Variants in ABTB3 observed in about 807,000 individuals in gnomAD.
ABTB3 encodes ankyrin repeat and BTB domain containing 3, also known as ankyrin repeat- and BTB/POZ domain-containing protein 3.
chr12:107,639,840 T>C, the ABTB3 span, among the ~76,000 whole-genome samples: 5 of 152,252 alleles, frequency 3.3e-5, no homozygotes, highest in Non-Finnish European at 4.4e-5. Flanking sequence ...AAGTAGTAGC[T>C]AAATCTTCTT....
chr12:107,615,074 C>A, the ABTB3 span: 3 of 1,613,612 alleles, frequency 1.9e-6, no homozygotes, highest in South Asian at 3.3e-5. Flanking sequence ...GTCAGTACTC[C>A]TCATAAATAT....
chr12:107,470,981 T>C, the ABTB3 span, among the ~76,000 whole-genome samples: 10 of 152,044 alleles, frequency 6.6e-5, no homozygotes, highest in African/African-American at 2.4e-4. Flanking sequence ...TTAGAGCAGT[T>C]GTTGTTGTCA....
At chr12:107,559,102 A>T in the ABTB3 span, among the ~76,000 whole-genome samples, 1 of 152,190 alleles carries the variant, frequency 6.6e-6, no homozygotes, top group Non-Finnish European at 1.5e-5. Context: ...GAAGAGAAGG[A>T]TCAGTTAGGA....
At chr12:107,601,752 C>T in the ABTB3 span, among the ~76,000 whole-genome samples, 1 of 152,148 alleles carries the variant, frequency 6.6e-6, no homozygotes, top group South Asian at 2.1e-4. Context: ...ATAATAGTGC[C>T]TTCATCATAG....
At chr12:107,427,212 G>T in the ABTB3 span, among the ~76,000 whole-genome samples, 2 of 152,010 alleles carry the variant, frequency 1.3e-5, no homozygotes, top group Non-Finnish European at 2.9e-5. Context: ...TGGCTTGTGG[G>T]TGCACCACTC....
At chr12:107,615,080 A>C in the ABTB3 span, 1 of 1,613,908 alleles carries the variant, frequency 6.2e-7, no homozygotes, top group South Asian at 1.1e-5. Context: ...ACTCCTCATA[A>C]ATATCCATCC....
At chr12:107,557,105 A>G in the ABTB3 span, among the ~76,000 whole-genome samples, 1 of 152,220 alleles carries the variant, frequency 6.6e-6, no homozygotes, top group East Asian at 1.9e-4. Context: ...ATTGCTATAT[A>G]CAGTGATACG....
chr12:107,550,430 A>G, the ABTB3 span, among the ~76,000 whole-genome samples: 2 of 151,660 alleles, frequency 1.3e-5, no homozygotes, highest in African/African-American at 2.4e-5. Flanking sequence ...ACCTGGTAGA[A>G]TTATGGACTC....
chr12:107,452,046 T>C, the ABTB3 span, among the ~76,000 whole-genome samples: 3 of 152,226 alleles, frequency 2.0e-5, no homozygotes, highest in East Asian at 5.8e-4. Context: ...GTTGATTTAC[T>C]TCTCTGCCTC....
the ABTB3 span, among the ~76,000 whole-genome samples, chr12:107,421,908 T>G: frequency 2.0e-5 from 3 of 152,214 alleles, no homozygotes; most frequent in African/African-American, 7.2e-5. Context: ...GCACCTATGG[T>G]GTGCCCGGCA....
At chr12:107,478,711 G>A in the ABTB3 span, among the ~76,000 whole-genome samples, 1,450 of 152,078 alleles carry the variant, frequency 9.5e-3, 34 homozygotes, top group African/African-American at 0.033. Flanking sequence ...TATATTTCAC[G>A]TGCGGGGAGC....
the ABTB3 span, chr12:107,651,596 T>C: frequency 2.1e-6 from 2 of 952,558 alleles, no homozygotes; most frequent in South Asian, 2.8e-5. Flanking sequence ...GAGGACTGTC[T>C]CACCACTATA....
the ABTB3 span, among the ~76,000 whole-genome samples, chr12:107,576,123 C>T: frequency 6.6e-6 from 1 of 152,208 alleles, no homozygotes; most frequent in African/African-American, 2.4e-5. Flanking sequence ...AAACCAAACA[C>T]CATCAGCTTT....
chr12:107,595,898 T>C, the ABTB3 span, among the ~76,000 whole-genome samples: 1 of 152,082 alleles, frequency 6.6e-6, no homozygotes, highest in Non-Finnish European at 1.5e-5. Flanking sequence ...TTTCACATAT[T>C]TATATTCACA....
the ABTB3 span, chr12:107,658,337 TC>T: frequency 6.5e-6 from 1 of 152,746 alleles, no homozygotes; most frequent in African/African-American, 2.4e-5. Flanking sequence ...TTTCTTTATT[TC>T]TTTTTTTTTT....
At chr12:107,457,788 C>A in the ABTB3 span, among the ~76,000 whole-genome samples, 1 of 152,222 alleles carries the variant, frequency 6.6e-6, no homozygotes, top group Non-Finnish European at 1.5e-5. Context: ...CTTGGCAGAA[C>A]GGGCAAAGAG....
chr12:107,523,230 G>A, the ABTB3 span, among the ~76,000 whole-genome samples: 34 of 152,330 alleles, frequency 2.2e-4, no homozygotes, highest in East Asian at 6.2e-3. Context: ...AAGGGAGTCA[G>A]TAGCTGATCC....
At chr12:107,518,948 C>G in the ABTB3 span, among the ~76,000 whole-genome samples, 1 of 152,202 alleles carries the variant, frequency 6.6e-6, no homozygotes, top group Non-Finnish European at 1.5e-5. Flanking sequence ...AACGTGTCTC[C>G]TTCACTTACA....
the ABTB3 span, among the ~76,000 whole-genome samples, chr12:107,616,485 A>G: frequency 1.3e-5 from 2 of 152,246 alleles, no homozygotes; most frequent in African/African-American, 4.8e-5. Context: ...CAGGGGATGC[A>G]CAGAATGAAG....
Sources: allele counts gnomAD v4.1 joint callset (sites outside exome capture counted in the v4.1 genomes callset), GRCh38; gene constraint gnomAD v4.1.1; transcripts MANE v1.5; gene names NCBI Gene and HGNC (gene_info 2026-07-23, HGNC 2026-07-21).